ABCD3: variants seen among roughly 807,000 people sequenced by gnomAD.
ABCD3 encodes the protein ATP binding cassette subfamily D member 3, also known as ATP-binding cassette sub-family D member 3.
ABCD3 carries 41 observed loss-of-function variants against 105.5 expected under a neutral mutation model. That is an observed-to-expected ratio of 0.39 (90% CI 0.30 to 0.50). The LOEUF is 0.50. Ranked by LOEUF, ABCD3 falls within the 20% of genes least tolerant of loss-of-function variation. The pLI is 0.84. For missense variants in ABCD3, 622 were observed against 806.3 expected, an observed-to-expected ratio of 0.77 and a Z score of 2.77; for synonymous variants, 258 against 269.0, an observed-to-expected ratio of 0.96 and a Z score of 0.40.
Position 94,498,993 on chromosome 1 carries a change from G to C in ABCD3, c.1579G>C (p.Asp527His). ...GTLRDQVIYP[D>H]GREDQKRKGI... The stretch of plus-strand genomic sequence containing the variant: ...ACTTCGAGATCAAGTGATATATCCA[G>C]ATGGACGAGAAGATCAGAAAAGGAA... The change falls in exon 19 of 23, where the codon GAT becomes CAT. Residue 527 changes from aspartate (D) to histidine (H), a missense_variant. Asp to His is a moderately conservative substitution (Grantham distance 81, BLOSUM62 -1). This residue lies in a region of ABCD3 where 285 missense variants were observed against 352.5 expected (regional missense o/e 0.81). Transcript: ENST00000370214. 6.2e-7 allele frequency: 1 copy of C among 1,613,972 alleles called. No individual in the cohort carries two copies. Among genetic ancestry groups the C allele is most frequent in the Non-Finnish European group, 8.5e-7 (1 of 1,179,960 alleles).
rs1329902675 is a variant in ABCD3, at chr1:94,467,904, C to A, written c.247-15C>A. ...AAATGCATGTATTTAATTTACTATA[C>A]CTGGTTTATTTTAGACAGGTTACTT... is the stretch of plus-strand genomic sequence containing the variant. On this transcript the variant is annotated splice_polypyrimidine_tract_variant and intron_variant, in intron 3 of 22. Coordinates refer to ENST00000370214, the MANE Select transcript of ABCD3 (RefSeq NM_002858.4). 1.3e-6 allele frequency: 2 copies of A among 1,573,466 alleles called. No homozygotes were observed. Among genetic ancestry groups the A allele is most frequent in the East Asian group, 2.2e-5 (1 of 44,596 alleles).
chr1:94,417,441 T>A (rs2100857260), upstream of ABCD3, among the ~76,000 whole-genome samples: 1 of 152,354 alleles, frequency 6.6e-6, no homozygotes, highest in African/African-American at 2.4e-5. Flanking sequence ...AAAACAGCGA[T>A]TCACTGTTAC....
At chr1:94,438,328 A>ACACACACACG (rs1659992669) in intron 1 of ABCD3, among the ~76,000 whole-genome samples, 1 of 151,312 alleles carries the variant, frequency 6.6e-6, no homozygotes, top group East Asian at 1.9e-4. Flanking sequence ...ACACACACAC[A>ACACACACACG]CACACACACA....
At chr1:94,478,177 C>A in intron 7 of ABCD3, 82 bp from the exon 8 acceptor site, 1 of 854,874 alleles carries the variant, frequency 1.2e-6, no homozygotes, top group Non-Finnish European at 1.9e-6. Context: ...TGTTTAATGA[C>A]ATTTTATAGT....
At chr1:94,449,772 C>T (rs2100935545) in intron 1 of ABCD3, among the ~76,000 whole-genome samples, 1 of 152,266 alleles carries the variant, frequency 6.6e-6, no homozygotes, top group South Asian at 2.1e-4. Context: ...CGTGCCACAG[C>T]CACACTTATG....
At chr1:94,413,119 G>C in the ABCD3 span, among the ~76,000 whole-genome samples, 1 of 152,076 alleles carries the variant, frequency 6.6e-6, no homozygotes, top group Non-Finnish European at 1.5e-5. Context: ...TTAATACCTA[G>C]AAAGGTCTTC....
intron 21 of ABCD3, among the ~76,000 whole-genome samples, chr1:94,507,367 C>A (rs1313345481): frequency 6.6e-6 from 1 of 152,200 alleles, no homozygotes; most frequent in Non-Finnish European, 1.5e-5. Context: ...ATATGTGCCA[C>A]ATTTTCTTAA....
chr1:94,418,294 G>C (rs1384299099), upstream of ABCD3, among the ~76,000 whole-genome samples: 1 of 152,148 alleles, frequency 6.6e-6, no homozygotes, highest in Non-Finnish European at 1.5e-5. Flanking sequence ...CGCTCCCGCC[G>C]GGCCAAAGTA....
In ABCD3 at chr1:94,498,859, GC is replaced by G. The variant is rs3215796; in HGVS notation, c.1530+12del. ...TTTTATGTTCCTCAGGTAAGACCTA[GC>G]TTGAGTTATCTTTGATCTAAAGATC... On this transcript the variant is annotated intron_variant, in intron 18 of 22. Coordinates refer to ENST00000370214, the MANE Select transcript of ABCD3 (RefSeq NM_002858.4). The G allele has an allele frequency of 1.8e-3, 2,886 of 1,613,060 alleles. 68 individuals carry two copies. In the East Asian group the frequency reaches 0.051, roughly 29 times the overall value.
intron 15 of ABCD3, among the ~76,000 whole-genome samples, 159 bp from the exon 16 acceptor site, chr1:94,491,025 C>G (rs1312945018): frequency 6.6e-6 from 1 of 152,016 alleles, no homozygotes; most frequent in African/African-American, 2.4e-5. Context: ...ATGTTGAGCA[C>G]CTTTTCGTAT....
intron 1 of ABCD3, among the ~76,000 whole-genome samples, chr1:94,447,248 C>T (rs906851202): frequency 1.3e-5 from 2 of 152,134 alleles, no homozygotes; most frequent in Non-Finnish European, 2.9e-5. Flanking sequence ...ACATTTTCTC[C>T]TTGGAATTCA....
At chr1:94,490,893 A>G (rs1020449792) in intron 15 of ABCD3, among the ~76,000 whole-genome samples, 5 of 152,106 alleles carry the variant, frequency 3.3e-5, no homozygotes, top group Admixed American at 1.3e-4. Flanking sequence ...AACAATGTAC[A>G]AGGTTTCCTT....
chr1:94,462,030 A>G (rs1010070520), intron 2 of ABCD3, among the ~76,000 whole-genome samples: 1 of 152,218 alleles, frequency 6.6e-6, no homozygotes, highest in Non-Finnish European at 1.5e-5. Flanking sequence ...TGACGTATCA[A>G]TAGGAACTTC....
intron 16 of ABCD3, among the ~76,000 whole-genome samples, chr1:94,497,059 T>C (rs972771920): frequency 1.3e-5 from 2 of 152,236 alleles, no homozygotes; most frequent in African/African-American, 4.8e-5. Context: ...ACCCCTTCTT[T>C]CAAAGTTTTA....
chr1:94,491,089 A>G, intron 15 of ABCD3, 95 bp from the exon 16 acceptor site: 2 of 906,908 alleles, frequency 2.2e-6, no homozygotes. Flanking sequence ...CTCTTTGCCC[A>G]TTTTTTAATC....
intron 2 of ABCD3, among the ~76,000 whole-genome samples, chr1:94,461,912 A>G (rs573999037): frequency 1.3e-5 from 2 of 152,242 alleles, no homozygotes; most frequent in South Asian, 4.1e-4. Context: ...ACCAGTTTTC[A>G]CTTTTCCCTA....
chr1:94,455,825 G>GTA (rs534096690), intron 1 of ABCD3: 86 of 1,278,692 alleles, frequency 6.7e-5, no homozygotes, highest in Middle Eastern at 2.1e-4. Flanking sequence ...GTGTACATGT[G>GTA]TATATATATA....
At chr1:94,385,732 T>C in the ABCD3 span, among the ~76,000 whole-genome samples, 1 of 152,204 alleles carries the variant, frequency 6.6e-6, no homozygotes, top group Non-Finnish European at 1.5e-5. Flanking sequence ...TCTTAATCAT[T>C]ACCCATAGCT....
At chr1:94,482,162 C>T (rs904163435) in intron 9 of ABCD3, 7 of 152,084 alleles carry the variant, frequency 4.6e-5, no homozygotes, top group African/African-American at 1.7e-4. Flanking sequence ...GAATTGTAGG[C>T]TTCTTATACT....
Sources: allele counts gnomAD v4.1 joint callset (sites outside exome capture counted in the v4.1 genomes callset), GRCh38; gene constraint gnomAD v4.1.1; regional missense constraint gnomAD v4.1.1; transcripts MANE v1.5; gene names NCBI Gene and HGNC (gene_info 2026-07-23, HGNC 2026-07-21).